Variants in SLC12A6 observed in about 807,000 individuals in gnomAD.
SLC12A6 encodes solute carrier family 12 member 6.
Under a neutral mutation model 135.3 loss-of-function variants are expected in SLC12A6, and 66 were observed. That is an observed-to-expected ratio of 0.49 (90% confidence interval 0.40 to 0.60). SLC12A6 has a LOEUF of 0.60. Ranked by LOEUF, SLC12A6 falls within the 20% of genes least tolerant of loss-of-function variation. The pLI is 0.00. For synonymous variants in SLC12A6, 513 were observed against 508.8 expected, an observed-to-expected ratio of 1.01 and a Z score of -0.11; for missense variants, 1,058 against 1,452.3, an observed-to-expected ratio of 0.73 and a Z score of 4.41.
intron 3 of SLC12A6, among the ~76,000 whole-genome samples, chr15:34,262,226 A>G (rs1186004810): frequency 6.6e-6 from 1 of 151,870 alleles, no homozygotes; most frequent in Non-Finnish European, 1.5e-5. Context: ...ACCCTTCCCT[A>G]ATTGGTTTTT....
At chr15:34,293,357 T>C (rs909773240) in intron 2 of SLC12A6, among the ~76,000 whole-genome samples, 8 of 151,796 alleles carry the variant, frequency 5.3e-5, no homozygotes, top group Non-Finnish European at 1.2e-4. Flanking sequence ...CAGGCTGGAG[T>C]GCAGTGGTGC....
intron 9 of SLC12A6, 78 bp downstream of exon 9, chr15:34,254,270 G>T: frequency 2.9e-6 from 4 of 1,399,090 alleles, no homozygotes. Flanking sequence ...ATGAAATTCT[G>T]ACTTAAAATT....
chr15:34,270,838 A>C (rs1433690425), intron 3 of SLC12A6, among the ~76,000 whole-genome samples: 1 of 151,602 alleles, frequency 6.6e-6, no homozygotes, highest in African/African-American at 2.4e-5. Flanking sequence ...AAACAAAAAA[A>C]AAAAAAAGAG....
At chr15:34,301,319 A>G (rs369263859) in intron 2 of SLC12A6, among the ~76,000 whole-genome samples, 6 of 152,206 alleles carry the variant, frequency 3.9e-5, no homozygotes, top group African/African-American at 1.4e-4. Context: ...ATTCAGGATT[A>G]GTTTTAATAA....
In SLC12A6 at chr15:34,236,134, T is replaced by C. The variant is rs761088724; in HGVS notation, c.3108A>G (p.Glu1036=). Residue 1036 remains glutamate, a synonymous_variant, in exon 24 of 26, where the codon GAA becomes GAG. Coordinates refer to ENST00000354181, the MANE Select transcript of SLC12A6 (RefSeq NM_001365088.1). ...RLTSIGSDED[E]ETETYQEKVH... ...CCTTCTCCTGATAGGTTTCTGTCTC[T>C]TCGTCCTCATCAGAGCCAATGCTGG... The C allele has an allele frequency of 2.5e-6, 4 of 1,613,730 alleles. No homozygotes were observed. In the African/African-American group the frequency reaches 5.3e-5, roughly 22 times the overall value.
chr15:34,297,664 G>A (rs1008592100), intron 2 of SLC12A6, among the ~76,000 whole-genome samples: 1 of 152,138 alleles, frequency 6.6e-6, no homozygotes, highest in Non-Finnish European at 1.5e-5. Context: ...TGAACTTGAA[G>A]GAGGATTTTT....
At chr15:34,313,185 C>T (rs1275202999) in intron 2 of SLC12A6, among the ~76,000 whole-genome samples, 6 of 152,214 alleles carry the variant, frequency 3.9e-5, no homozygotes, top group South Asian at 2.1e-4. Context: ...TGTTAAAAGC[C>T]GCCAGGCCAA....
intron 4 of SLC12A6, 26 bp from the exon 5 acceptor site, chr15:34,258,970 A>C (rs1374264805): frequency 5.0e-6 from 8 of 1,588,078 alleles, no homozygotes; most frequent in Non-Finnish European, 6.9e-6. Context: ...CATGGAAGAA[A>C]TGAGCTACAA....
chr15:34,325,997 T>C (rs1889433594), intron 2 of SLC12A6, among the ~76,000 whole-genome samples: 2 of 152,218 alleles, frequency 1.3e-5, no homozygotes, highest in South Asian at 4.1e-4. Flanking sequence ...AAGTTGTGTC[T>C]TCACTAGAGG....
chr15:34,336,313 CATAATT>C (rs1399926574), intron 2 of SLC12A6, 91 bp downstream of exon 2: 3 of 1,013,768 alleles, frequency 3.0e-6, no homozygotes, highest in African/African-American at 3.2e-5. Context: ...CTATTATAAT[CATAATT>C]ATATGATTAT....
At chr15:34,274,641 T>C (rs113209456) in intron 3 of SLC12A6, among the ~76,000 whole-genome samples, 3 of 152,138 alleles carry the variant, frequency 2.0e-5, no homozygotes, top group African/African-American at 7.2e-5. Flanking sequence ...GGTGAAACCC[T>C]GTCTGTACTA....
intron 2 of SLC12A6, among the ~76,000 whole-genome samples, chr15:34,303,027 T>C (rs1369168320): frequency 1.3e-5 from 2 of 151,740 alleles, no homozygotes; most frequent in Non-Finnish European, 1.5e-5. Context: ...TTATTTTTCA[T>C]GCACTGTGGA....
chr15:34,275,541 G>A, intron 2 of SLC12A6, 152 bp from the exon 3 acceptor site: 1 of 624,358 alleles, frequency 1.6e-6, no homozygotes. Flanking sequence ...AAAATAGAAT[G>A]AACTAGTGTA....
chr15:34,257,853 T>C (rs1892859198), intron 5 of SLC12A6, 65 bp from the exon 6 acceptor site: 3 of 1,110,812 alleles, frequency 2.7e-6, no homozygotes, highest in Non-Finnish European at 4.1e-6. Flanking sequence ...TATTCTTTTA[T>C]GTAATAACTT....
At chr15:34,291,920 G>A (rs1410190604) in intron 2 of SLC12A6, among the ~76,000 whole-genome samples, 2 of 151,958 alleles carry the variant, frequency 1.3e-5, no homozygotes, top group Admixed American at 6.6e-5. Flanking sequence ...CCTTGCAATG[G>A]GTGAGAACAT....
intron 2 of SLC12A6, among the ~76,000 whole-genome samples, chr15:34,307,530 C>T (rs1390107278): frequency 6.6e-6 from 1 of 152,092 alleles, no homozygotes; most frequent in Non-Finnish European, 1.5e-5. Context: ...ACTATGTTCT[C>T]AGGCTGGTCT....
At position 34,230,984 on chromosome 15, in the gene SLC12A6, T is replaced by C. The variant is rs185388606; in HGVS notation, c.*2897A>G. ...TTGTTCTACATGGAAAAAAAAAATA[T>C]TACTTTGGCCAGGGGTGTGTGTAAA... is the stretch of plus-strand genomic sequence containing the variant. On this transcript the variant is annotated 3_prime_UTR_variant, in exon 26 of 26. Transcript: ENST00000354181. The C allele has an allele frequency of 5.9e-5, 9 of 152,272 alleles. No homozygotes were observed. Among genetic ancestry groups the C allele is most frequent in the African/African-American group, 1.4e-4 (6 of 41,560 alleles). The allele number at this position is 152,272 out of a possible 1,614,324, so 9.4% of individuals were successfully genotyped here.
chr15:34,310,414 AGTGT>A (rs146623414), intron 2 of SLC12A6, among the ~76,000 whole-genome samples: 13 of 57,552 alleles, frequency 2.3e-4, no homozygotes, highest in African/African-American at 8.1e-4. Context: ...CCTGGGCTCA[AGTGT>A]GTGTGTGTGT....
rs189560053 is a variant in SLC12A6 at position 34,321,149 on chromosome 15, C to T, written c.271+15261G>A. Among the ~76,000 whole-genome samples the T allele has an allele frequency of 4.6e-5, 7 of 152,296 alleles. No homozygotes were observed. The East Asian group carries it at 1.3e-3, about 29-fold the overall frequency. On this transcript the variant is annotated intron_variant, in intron 2 of 25. Coordinates refer to ENST00000354181, the MANE Select transcript of SLC12A6 (RefSeq NM_001365088.1). The stretch of plus-strand genomic sequence containing the variant: ...ACTCAACTTTAAAACCTCTAATGCC[C>T]TGAGGTAGGCAACATAGAGTATGTT...
Sources: gnomAD v4.1 joint callset for allele counts (sites outside exome capture counted in the v4.1 genomes callset) on GRCh38, gnomAD v4.1.1 for gene constraint, MANE v1.5 for transcripts, NCBI Gene and HGNC (gene_info 2026-07-23, HGNC 2026-07-21) for gene names.